The following FAM53A variants were observed in gnomAD, a reference collection of about 807,000 sequenced individuals.
The protein encoded by FAM53A is protein FAM53A.
A neutral mutation model predicts 26.6 loss-of-function variants in FAM53A; 28 were observed. The ratio of observed to expected loss-of-function variants is 1.05; its 90% CI spans 0.78 to 1.45. FAM53A has a LOEUF of 1.45. FAM53A is among the 40% of genes most tolerant of loss of function. FAM53A has a pLI of 0.00. For missense variants in FAM53A, 650 were observed against 575.8 expected, an observed-to-expected ratio of 1.13 and a Z score of -1.32; for synonymous variants, 290 against 253.1, an observed-to-expected ratio of 1.15 and a Z score of -1.38.
rs970558399 is a variant in FAM53A, at chr4:1,684,299, C to T, written c.-231G>A. 6 of 150,926 alleles carry T rather than the reference C, an allele frequency of 4.0e-5. No individual in the cohort carries two copies. In the South Asian group the frequency reaches 5.4e-4, roughly 13 times the overall value. 9.3% of individuals were successfully genotyped at this position (150,926 alleles called of 1,614,324 possible). A position where few individuals can be genotyped will look rare whatever the true frequency, so the allele number is the denominator to read the frequency against. On this transcript the variant is annotated 5_prime_UTR_variant, in exon 1 of 5. Transcript: ENST00000308132. ...CCGCCCAGGCCCCGCTCGCTCAGGG[C>T]GACGCGCCTCAGCCGCGGCGGAACA...
chr4:1,674,628 C>T (rs969215512), intron 1 of FAM53A, among the ~76,000 whole-genome samples: 20 of 151,634 alleles, frequency 1.3e-4, no homozygotes, highest in African/African-American at 4.6e-4. Flanking sequence ...GAGATCATGC[C>T]ACTGCACTCC....
the FAM53A span, among the ~76,000 whole-genome samples, chr4:1,575,323 A>C: frequency 6.6e-6 from 1 of 152,058 alleles, no homozygotes; most frequent in Non-Finnish European, 1.5e-5. Flanking sequence ...ACCTTACCCC[A>C]TCCCACCCTG....
the FAM53A span, among the ~76,000 whole-genome samples, chr4:1,578,996 C>A: frequency 1.3e-5 from 2 of 151,154 alleles, no homozygotes; most frequent in South Asian, 4.2e-4. Flanking sequence ...GGCTGCGACA[C>A]CCCTAGGCCC....
chr4:1,579,134 C>G, the FAM53A span, among the ~76,000 whole-genome samples: 1 of 151,520 alleles, frequency 6.6e-6, no homozygotes, highest in African/African-American at 2.4e-5. Flanking sequence ...CCGACCAGCC[C>G]GGAGGCGGCT....
chr4:1,652,312 C>T (rs1712908418), intron 4 of FAM53A, among the ~76,000 whole-genome samples: 1 of 144,180 alleles, frequency 6.9e-6, no homozygotes, highest in African/African-American at 2.8e-5. Flanking sequence ...AAACACCACA[C>T]ACGTCACACA....
chr4:1,595,070 G>A, the FAM53A span, among the ~76,000 whole-genome samples: 2 of 152,198 alleles, frequency 1.3e-5, no homozygotes, highest in African/African-American at 4.8e-5. Context: ...AAAGCACCAT[G>A]GGACCCAGCC....
intron 1 of FAM53A, among the ~76,000 whole-genome samples, chr4:1,682,556 T>C (rs969763121): frequency 2.0e-5 from 3 of 152,186 alleles, no homozygotes; most frequent in African/African-American, 7.2e-5. Context: ...CCACCGCGCC[T>C]AGCCTTAATT....
intron 1 of FAM53A, among the ~76,000 whole-genome samples, chr4:1,679,579 G>C (rs181487299): frequency 1.3e-5 from 2 of 150,164 alleles, no homozygotes; most frequent in East Asian, 3.9e-4. Context: ...CCAGCTACTC[G>C]GGAGGCTGAG....
intron 1 of FAM53A, among the ~76,000 whole-genome samples, chr4:1,676,868 T>C (rs1455374933): frequency 2.0e-5 from 3 of 152,196 alleles, no homozygotes; most frequent in Non-Finnish European, 2.9e-5. Context: ...GGCCACACAG[T>C]GGGGTCTGTT....
chr4:1,590,955 C>T, the FAM53A span, among the ~76,000 whole-genome samples: 16 of 46,302 alleles, frequency 3.5e-4, no homozygotes, highest in Admixed American at 6.6e-4. Flanking sequence ...TTATTTAATG[C>T]ATATATATAT....
the FAM53A span, among the ~76,000 whole-genome samples, chr4:1,578,768 C>A: frequency 1.6e-5 from 2 of 121,392 alleles, no homozygotes; most frequent in African/African-American, 6.4e-5. Context: ...AGGGAAGGGG[C>A]GGAGGAGGGG....
At chr4:1,654,919 C>T (rs1321526070) in intron 4 of FAM53A, 59 bp downstream of exon 4, 8 of 1,462,004 alleles carry the variant, frequency 5.5e-6, no homozygotes, top group African/African-American at 1.5e-5. Context: ...AGCCTCACCC[C>T]AGCACCGCCC....
chr4:1,649,736 C>T (rs1442000291), intron 4 of FAM53A, among the ~76,000 whole-genome samples: 1 of 152,266 alleles, frequency 6.6e-6, no homozygotes, highest in African/African-American at 2.4e-5. Flanking sequence ...CTCCAGGTAA[C>T]CACAACCTGG....
the FAM53A span, among the ~76,000 whole-genome samples, chr4:1,598,630 C>T: frequency 1.3e-5 from 2 of 152,160 alleles, no homozygotes; most frequent in Non-Finnish European, 2.9e-5. Flanking sequence ...GATGCCTTTT[C>T]TCTGCATAGT....
the FAM53A span, among the ~76,000 whole-genome samples, chr4:1,605,678 G>T: frequency 6.6e-6 from 1 of 152,116 alleles, no homozygotes; most frequent in Non-Finnish European, 1.5e-5. The surrounding 1 kb of genome is among the most constrained non-coding windows in gnomAD (Gnocchi z 5.7). Flanking sequence ...TGCCGACCCT[G>T]CAGGGTGAGC....
intron 1 of FAM53A, among the ~76,000 whole-genome samples, chr4:1,620,121 C>G (rs1474509978): frequency 6.6e-6 from 1 of 151,428 alleles, no homozygotes; most frequent in Non-Finnish European, 1.5e-5. Context: ...GCAGGAGAAT[C>G]GCTTAAACCT....
At chr4:1,675,774 C>G (rs998903596) in intron 1 of FAM53A, among the ~76,000 whole-genome samples, 2 of 152,288 alleles carry the variant, frequency 1.3e-5, no homozygotes, top group South Asian at 2.1e-4. Flanking sequence ...GGACAGAGGC[C>G]AAAATCCTCA....
downstream of FAM53A, among the ~76,000 whole-genome samples, chr4:1,637,054 TCCTGGTGAGGGCTG>T (rs767673712): frequency 2.0e-5 from 3 of 152,108 alleles, no homozygotes; most frequent in South Asian, 2.1e-4. Context: ...CAGGCTCCTC[TCCTGGTGAGGGCTG>T]CCTGGTGAGG....
chr4:1,624,494 G>A (rs1424028977), intron 1 of FAM53A, among the ~76,000 whole-genome samples: 1 of 152,214 alleles, frequency 6.6e-6, no homozygotes, highest in African/African-American at 2.4e-5. Flanking sequence ...ACAAGGCCCA[G>A]AAGGACGGCA....
Sources: gnomAD v4.1 joint callset for allele counts (sites outside exome capture counted in the v4.1 genomes callset) on GRCh38, gnomAD v4.1.1 for gene constraint, Gnocchi (gnomAD v3.1) non-coding constraint, MANE v1.5 for transcripts, NCBI Gene and HGNC (gene_info 2026-07-23, HGNC 2026-07-21) for gene names.